Variants in PPA2 observed in about 807,000 individuals in gnomAD.
PPA2 encodes inorganic pyrophosphatase 2, mitochondrial.
A neutral mutation model predicts 49.5 loss-of-function variants in PPA2; 48 were observed. The ratio of observed to expected loss-of-function variants is 0.97; its 90% confidence interval spans 0.77 to 1.23. PPA2 has a LOEUF of 1.23. PPA2 is among the 50% of genes most tolerant of loss of function. PPA2 has a pLI of 0.00. For synonymous variants in PPA2, 131 were observed against 139.9 expected (o/e 0.94, Z 0.45); for missense variants, 429 against 410.1 (o/e 1.05, Z -0.40).
chr4:105,406,790 T>C (rs1235873083), intron 7 of PPA2, among the ~76,000 whole-genome samples: 1 of 152,178 alleles, frequency 6.6e-6, no homozygotes, highest in East Asian at 1.9e-4. Flanking sequence ...TAAGTGGACC[T>C]GTACAGTTCA....
At chr4:105,379,277 T>C (rs1733378063) in intron 10 of PPA2, among the ~76,000 whole-genome samples, 2 of 152,006 alleles carry the variant, frequency 1.3e-5, no homozygotes, top group Non-Finnish European at 2.9e-5. Context: ...TTATAAATAA[T>C]GTAATTTTAA....
intron 5 of PPA2, among the ~76,000 whole-genome samples, chr4:105,444,226 G>A (rs952962866): frequency 2.6e-5 from 4 of 152,150 alleles, no homozygotes; most frequent in African/African-American, 4.8e-5. Flanking sequence ...TAGAAACACT[G>A]AAGAAGACTT....
intron 9 of PPA2, among the ~76,000 whole-genome samples, chr4:105,392,441 G>C (rs1733962692): frequency 6.6e-6 from 1 of 152,136 alleles, no homozygotes; most frequent in Non-Finnish European, 1.5e-5. Context: ...GGGAGGCTGA[G>C]GTGCGTGGAT....
intron 3 of PPA2, among the ~76,000 whole-genome samples, chr4:105,450,189 A>G (rs1405032067): frequency 2.0e-5 from 3 of 152,186 alleles, no homozygotes; most frequent in African/African-American, 4.8e-5. Flanking sequence ...GACATCAATA[A>G]CTAACAATTT....
chr4:105,464,189 C>T (rs551187721), intron 1 of PPA2, among the ~76,000 whole-genome samples: 20 of 152,306 alleles, frequency 1.3e-4, no homozygotes, highest in South Asian at 4.1e-4. Flanking sequence ...CCTCTTGCAT[C>T]GGCGTGACCT....
intron 9 of PPA2, among the ~76,000 whole-genome samples, chr4:105,391,211 G>A (rs909651586): frequency 1.1e-4 from 16 of 151,850 alleles, no homozygotes; most frequent in Non-Finnish European, 2.2e-4. Flanking sequence ...GAGATTATTA[G>A]GACAAATGGC....
Position 105,370,818 on chromosome 4 carries a change from G to A in PPA2, c.976+19C>T. ...TAAATTTATACATGTTACTCTTAAT[G>A]AATCAAAATATACTATACCTTCTTC... is the stretch of plus-strand genomic sequence containing the variant. On this transcript the variant is annotated intron_variant, in intron 11 of 11. Transcript: ENST00000341695. 1 of 1,408,102 alleles carries A rather than the reference G, an allele frequency of 7.1e-7. No individual in the cohort carries two copies. Among genetic ancestry groups the A allele is most frequent in the Non-Finnish European group, 9.4e-7 (1 of 1,063,972 alleles). The allele number at this position is 1,408,102 out of a possible 1,614,324, so 87.2% of individuals were successfully genotyped here.
At position 105,396,262 on chromosome 4, in the gene PPA2, C is replaced by T. The variant is rs1209215041; in HGVS notation, c.856G>A (p.Gly286Arg). Reference protein sequence around the residue: ...KALLMKKCNGGAINCTNVQIS... With the variant: ...KALLMKKCNGRAINCTNVQIS... ...ACAAATTCTTACCAATTTATAGCTC[C>T]TCCATTACACTTCTTCATAAGCAAT... is the stretch of plus-strand genomic sequence containing the variant. Residue 286 changes from glycine to arginine, a missense_variant, in exon 9 of 12, where the codon GGA (glycine) becomes AGA (arginine). Transcript: ENST00000341695. 1 of 1,581,070 alleles carries T rather than the reference C, an allele frequency of 6.3e-7. No individual in the cohort carries two copies. The highest frequency in any genetic ancestry group is 8.6e-7 in the Non-Finnish European group (1 of 1,161,354).
At chr4:105,445,743 T>C (rs1578869108) in intron 5 of PPA2, among the ~76,000 whole-genome samples, 2 of 152,102 alleles carry the variant, frequency 1.3e-5, no homozygotes, top group East Asian at 3.9e-4. Flanking sequence ...TTTTACTCAC[T>C]AAATAATCTG....
At chr4:105,392,046 G>A (rs148120895) in intron 9 of PPA2, among the ~76,000 whole-genome samples, 64 of 152,176 alleles carry the variant, frequency 4.2e-4, no homozygotes, top group Non-Finnish European at 6.8e-4. Context: ...AAATAAAGTA[G>A]TAAACAGAAT....
intron 6 of PPA2, among the ~76,000 whole-genome samples, chr4:105,427,747 A>G (rs1723592379): frequency 6.6e-6 from 1 of 152,254 alleles, no homozygotes; most frequent in Non-Finnish European, 1.5e-5. Context: ...AGTGATGGGG[A>G]GAATGGAACC....
Position 105,465,763 on chromosome 4 carries a change from T to C in PPA2, c.157+8131A>G, listed in dbSNP as rs73836226. 4.5e-3 allele frequency among the ~76,000 whole-genome samples: 691 copies of C among 152,278 alleles called. 9 individuals are homozygous for C. Among genetic ancestry groups the C allele is most frequent in the African/African-American group, 0.014 (595 of 41,572 alleles). ...TAGCTGACCACCCCCCAGCAAGACA[T>C]GTGGGATCCTCTCAATAGCTGTATA... On this transcript the variant is annotated intron_variant, in intron 1 of 11. Transcript: ENST00000341695.
intron 1 of PPA2, among the ~76,000 whole-genome samples, chr4:105,460,384 T>C (rs116325859): frequency 0.083 from 12,588 of 151,782 alleles, 1,009 homozygotes; most frequent in African/African-American, 0.21. Flanking sequence ...CATATGTAAA[T>C]ACTACGCCAT....
intron 6 of PPA2, among the ~76,000 whole-genome samples, chr4:105,429,388 T>A (rs1723689600): frequency 1.4e-5 from 2 of 146,372 alleles, no homozygotes; most frequent in South Asian, 4.2e-4. Context: ...GTCTGAGATT[T>A]TCAGCACGAA....
chr4:105,461,189 T>C (rs1487949282), intron 1 of PPA2, among the ~76,000 whole-genome samples: 5 of 151,946 alleles, frequency 3.3e-5, no homozygotes, highest in Admixed American at 2.0e-4. Context: ...GCTCATAAAT[T>C]TGGAAAGCAG....
In PPA2 at chr4:105,401,673, T is replaced by C. The variant is rs533723786; in HGVS notation, c.656-2509A>G. On this transcript the variant is annotated intron_variant, in intron 7 of 11. Transcript: ENST00000341695. ...TTTTATATGAATTTTAGAGATGAAC[T>C]AATCCAATAAAGTTAGGATAATCTG... 3.9e-5 allele frequency among the ~76,000 whole-genome samples: 6 copies of C among 152,328 alleles called. 1 individual carries two copies. The South Asian group carries it at 1.2e-3, about 32-fold the overall frequency.
intron 1 of PPA2, among the ~76,000 whole-genome samples, chr4:105,462,119 A>G (rs1482696385): frequency 6.6e-6 from 1 of 152,222 alleles, no homozygotes; most frequent in African/African-American, 2.4e-5. Context: ...CATATGCGCT[A>G]CAGACAGAGG....
intron 3 of PPA2, among the ~76,000 whole-genome samples, chr4:105,451,057 A>G (rs532150481): frequency 1.5e-4 from 23 of 152,164 alleles, no homozygotes; most frequent in Non-Finnish European, 3.1e-4. Flanking sequence ...CCACACATCA[A>G]TACCACCTCA....
intron 11 of PPA2, 189 bp downstream of exon 11, chr4:105,370,648 C>T (rs1371372520): frequency 1.0e-6 from 1 of 960,096 alleles, no homozygotes; most frequent in Non-Finnish European, 1.2e-6. Flanking sequence ...TAGTTAAATG[C>T]ATTCTCCTTA....
Sources: allele counts gnomAD v4.1 joint callset (sites outside exome capture counted in the v4.1 genomes callset), GRCh38; gene constraint gnomAD v4.1.1; transcripts MANE v1.5; gene names NCBI Gene and HGNC (gene_info 2026-07-23, HGNC 2026-07-21).